Variants in CAMK2A observed in about 807,000 individuals in gnomAD.
CAMK2A encodes calcium/calmodulin dependent protein kinase II alpha, also known as calcium/calmodulin-dependent protein kinase type II subunit alpha.
CAMK2A carries 7 observed loss-of-function variants against 79.2 expected under a neutral mutation model. The observed-to-expected ratio is 0.09, with a 90% CI of 0.05 to 0.17. CAMK2A has a LOEUF of 0.17. CAMK2A is among the 10% of genes least tolerant of loss of function. CAMK2A has a pLI of 1.00. For missense variants in CAMK2A, 214 were observed against 646.4 expected (o/e 0.33, Z 7.25); for synonymous variants, 242 against 251.7 (o/e 0.96, Z 0.36).
intron 6 of CAMK2A, among the ~76,000 whole-genome samples, chr5:150,253,874 GCAGCA>G (rs1755942361): frequency 6.6e-6 from 1 of 151,764 alleles, no homozygotes; most frequent in African/African-American, 2.4e-5. Context: ...AGCAGCAGCA[GCAGCA>G]TTGATTGTGC....
intron 11 of CAMK2A, 143 bp from the exon 12 acceptor site, chr5:150,247,957 A>C: frequency 1.5e-6 from 1 of 686,380 alleles, no homozygotes; most frequent in Non-Finnish European, 2.5e-6. Flanking sequence ...CTGCCCCTCC[A>C]TTTGTCCCAA....
intron 1 of CAMK2A, among the ~76,000 whole-genome samples, chr5:150,283,503 T>G (rs1277387186): frequency 6.6e-6 from 1 of 152,056 alleles, no homozygotes; most frequent in Non-Finnish European, 1.5e-5. Context: ...GCCTCCCGAG[T>G]AGCTGGAACT....
intron 18 of CAMK2A, 38 bp from the exon 19 acceptor site, chr5:150,222,751 G>T: frequency 6.2e-7 from 1 of 1,613,458 alleles, no homozygotes; most frequent in South Asian, 1.1e-5. Flanking sequence ...AGGGCATGGT[G>T]TTTCCTGCTT....
chr5:150,239,683 T>C, intron 14 of CAMK2A, 21 bp downstream of exon 14: 1 of 1,613,004 alleles, frequency 6.2e-7, no homozygotes, highest in Non-Finnish European at 8.5e-7. Flanking sequence ...TTACCGGCGT[T>C]AGGAGACGGC....
At chr5:150,237,873 T>A (rs1562146183) in intron 15 of CAMK2A, among the ~76,000 whole-genome samples, 2 of 152,206 alleles carry the variant, frequency 1.3e-5, no homozygotes, top group African/African-American at 2.4e-5. Context: ...CCTGATGCTT[T>A]GCTTCCCCCA....
intron 2 of CAMK2A, among the ~76,000 whole-genome samples, chr5:150,272,061 C>T (rs1006012823): frequency 6.6e-6 from 1 of 152,164 alleles, no homozygotes; most frequent in South Asian, 2.1e-4. Flanking sequence ...CTGGAGGACC[C>T]GAGAGTGGCG....
At chr5:150,279,392 G>A (rs1178998982) in intron 1 of CAMK2A, among the ~76,000 whole-genome samples, 1 of 152,158 alleles carries the variant, frequency 6.6e-6, no homozygotes, top group East Asian at 1.9e-4. Flanking sequence ...CTTCACCTCA[G>A]TAAGCCTGTT....
chr5:150,233,946 G>T (rs1754956135), intron 15 of CAMK2A, among the ~76,000 whole-genome samples: 1 of 152,268 alleles, frequency 6.6e-6, no homozygotes, highest in Admixed American at 6.5e-5. Flanking sequence ...CTGAGTAGCT[G>T]GGATTACAGG....
At chr5:150,238,589 G>T (rs112770824) in intron 15 of CAMK2A, 111 bp downstream of exon 15, 4 of 1,062,400 alleles carry the variant, frequency 3.8e-6, no homozygotes, top group East Asian at 2.6e-5. Context: ...GAAGCTCTCT[G>T]TAGATGAGCA....
intron 15 of CAMK2A, among the ~76,000 whole-genome samples, chr5:150,236,577 G>A (rs542965161): frequency 6.6e-6 from 1 of 152,354 alleles, no homozygotes; most frequent in African/African-American, 2.4e-5. Context: ...ATGGACTCCA[G>A]TGGAGAAGAC....
chr5:150,276,024 C>T (rs952487449), intron 1 of CAMK2A, among the ~76,000 whole-genome samples: 1 of 152,190 alleles, frequency 6.6e-6, no homozygotes, highest in African/African-American at 2.4e-5. Flanking sequence ...AAAGCTGCCT[C>T]ATTAGAACAA....
chr5:150,247,947 C>A, intron 11 of CAMK2A, 133 bp from the exon 12 acceptor site: 1 of 717,284 alleles, frequency 1.4e-6, no homozygotes, highest in Admixed American at 2.4e-5. Context: ...AGCCTCTGCC[C>A]TGCCCCTCCA....
In CAMK2A at chr5:150,250,802, C is replaced by T. The variant is rs371411676; in HGVS notation, c.702G>A (p.Ser234=). The T allele has an allele frequency of 5.8e-5, 94 of 1,613,800 alleles. No individual in the cohort carries two copies. The highest frequency in any genetic ancestry group is 3.3e-4 in the Middle Eastern group (2 of 6,082). ...QIKAGAYDFP[S]PEWDTVTPEA... is the part of the protein sequence containing the mutation. The stretch of plus-strand genomic sequence containing the variant: ...CCGGGGTGACAGTGTCCCATTCCGG[C>T]GATGGGAACTGGAAGGGGCAGAGAG... The change falls in exon 10 of 19, where the codon TCG becomes TCA. Residue 234 remains serine (S), a synonymous_variant. Transcript: ENST00000671881.
At chr5:150,238,831 G>A (rs575839300) in intron 14 of CAMK2A, 83 bp from the exon 15 acceptor site, 61 of 1,236,004 alleles carry the variant, frequency 4.9e-5, no homozygotes, top group Middle Eastern at 2.4e-4. Flanking sequence ...CTGGTGACGC[G>A]GCTGGTTTCT....
At chr5:150,236,968 C>A (rs1443183316) in intron 15 of CAMK2A, among the ~76,000 whole-genome samples, 1 of 152,174 alleles carries the variant, frequency 6.6e-6, no homozygotes, top group Non-Finnish European at 1.5e-5. Flanking sequence ...TAGGTCACTG[C>A]AGCCTTAAAC....
intron 15 of CAMK2A, among the ~76,000 whole-genome samples, chr5:150,237,112 C>G (rs889319235): frequency 1.3e-5 from 2 of 152,110 alleles, no homozygotes; most frequent in African/African-American, 2.4e-5. Context: ...GAGTACCCAC[C>G]ACCGCCCAGG....
In CAMK2A at chr5:150,285,709, C is replaced by T. The variant is rs1757396487; in HGVS notation, c.62+3855G>A. Among the ~76,000 whole-genome samples the T allele has an allele frequency of 2.0e-5, 3 of 152,152 alleles. No homozygotes were observed. The South Asian group carries it at 6.2e-4, about 32-fold the overall frequency. ...CCCCAGCTCTGCCTTGAGTCAATTTCAGATCTCTGTTTCTAGAGAGAAAAG... is the reference window on the plus strand; with the variant it reads ...CCCCAGCTCTGCCTTGAGTCAATTTTAGATCTCTGTTTCTAGAGAGAAAAG... On this transcript the variant is annotated intron_variant, in intron 1 of 18. Transcript: ENST00000671881.
At chr5:150,254,273 C>T (rs769244976) in intron 6 of CAMK2A, among the ~76,000 whole-genome samples, 38 of 152,198 alleles carry the variant, frequency 2.5e-4, no homozygotes, top group Non-Finnish European at 2.8e-4. Context: ...TGTTTATCAT[C>T]TGTCAGCCCT....
intron 11 of CAMK2A, among the ~76,000 whole-genome samples, chr5:150,248,417 C>T (rs968062210): frequency 3.6e-4 from 54 of 150,930 alleles, no homozygotes; most frequent in African/African-American, 6.8e-4. Flanking sequence ...ACATGTGCCA[C>T]GTTGGTGTGC....
Sources: gnomAD v4.1 joint callset for allele counts (sites outside exome capture counted in the v4.1 genomes callset) on GRCh38, gnomAD v4.1.1 for gene constraint, MANE v1.5 for transcripts, NCBI Gene and HGNC (gene_info 2026-07-23, HGNC 2026-07-21) for gene names.